Variants in PCDH7 observed in about 807,000 individuals in gnomAD.
PCDH7 encodes the protein protocadherin-7.
A neutral mutation model predicts 58.9 loss-of-function variants in PCDH7; 17 were observed. The observed-to-expected ratio is 0.29, with a 90% CI of 0.20 to 0.43. PCDH7 has a LOEUF of 0.43. Among genes scored for constraint, PCDH7 ranks in the 20% least tolerant of loss-of-function variants. The probability of loss-of-function intolerance (pLI) is 1.00; values close to 1 mark genes in which losing one functional copy is unlikely to be tolerated. For synonymous variants in PCDH7, 664 were observed against 616.4 expected, an observed-to-expected ratio of 1.08 and a Z score of -1.14; for missense variants, 1,274 against 1,441.0, an observed-to-expected ratio of 0.88 and a Z score of 1.88.
At chr4:31,036,610 G>A (rs1174522942) in intron 3 of PCDH7, among the ~76,000 whole-genome samples, 2 of 152,248 alleles carry the variant, frequency 1.3e-5, no homozygotes, top group East Asian at 3.9e-4. Context: ...ATTAGAGAGT[G>A]AACTATATAA....
intron 3 of PCDH7, among the ~76,000 whole-genome samples, chr4:31,114,160 A>G (rs1716703618): frequency 6.6e-6 from 1 of 151,984 alleles, no homozygotes; most frequent in Non-Finnish European, 1.5e-5. Flanking sequence ...TTAATCTATC[A>G]CCAAAATGTT....
chr4:30,989,545 A>G (rs998047860), intron 3 of PCDH7, among the ~76,000 whole-genome samples: 2 of 152,148 alleles, frequency 1.3e-5, no homozygotes, highest in South Asian at 4.1e-4. Flanking sequence ...CAGGTGCCGC[A>G]CCATTCCAAG....
chr4:30,968,386 A>ACACAC (rs1560541616), intron 3 of PCDH7, among the ~76,000 whole-genome samples: 27 of 58,106 alleles, frequency 4.6e-4, no homozygotes, highest in African/African-American at 3.2e-3. Flanking sequence ...CTATATATAT[A>ACACAC]TATATATATA....
rs1748294750 is a variant in PCDH7 at position 30,960,313 on chromosome 4, C to G, written c.*7+10098C>G. Among the ~76,000 whole-genome samples the G allele has an allele frequency of 2.0e-5, 3 of 152,144 alleles. No individual in the cohort carries two copies. The South Asian group carries it at 6.2e-4, about 32-fold the overall frequency. Reference sequence around the variant, plus strand: ...AATAGGATTATCTCTTCGAGACATGCTTTTGGGAATGAATTCGAAAATGAG... The same window carrying G: ...AATAGGATTATCTCTTCGAGACATGGTTTTGGGAATGAATTCGAAAATGAG... On this transcript the variant is annotated intron_variant, in intron 3 of 3. Transcript: ENST00000509759.
intron 1 of PCDH7, among the ~76,000 whole-genome samples, chr4:30,888,081 G>C (rs1738081233): frequency 6.6e-6 from 1 of 152,034 alleles, no homozygotes; most frequent in South Asian, 2.1e-4. Context: ...TCACCATGTT[G>C]GTCAGTCTGG....
chr4:31,113,126 G>T (rs1716531753), intron 3 of PCDH7, among the ~76,000 whole-genome samples: 2 of 152,008 alleles, frequency 1.3e-5, no homozygotes, highest in African/African-American at 4.8e-5. Flanking sequence ...TGTATTTAGA[G>T]ATTGTTTATT....
chr4:30,956,822 G>T (rs563321667), intron 3 of PCDH7, among the ~76,000 whole-genome samples: 1 of 152,174 alleles, frequency 6.6e-6, no homozygotes, highest in East Asian at 1.9e-4. Context: ...GGTGAGTTGA[G>T]GCTTTCTTTT....
intron 3 of PCDH7, among the ~76,000 whole-genome samples, chr4:30,974,380 AG>A (rs886168079): frequency 7.9e-5 from 12 of 151,524 alleles, no homozygotes; most frequent in African/African-American, 2.7e-4. Context: ...TAACCATGAA[AG>A]GTTTTTTTTT....
intron 3 of PCDH7, among the ~76,000 whole-genome samples, chr4:31,066,171 A>G (rs1411204749): frequency 6.6e-6 from 1 of 151,874 alleles, no homozygotes; most frequent in Non-Finnish European, 1.5e-5. Flanking sequence ...TTGGTAATGC[A>G]ACGTGAGACA....
rs1713657227 is a variant in PCDH7 at position 30,721,993 on chromosome 4, A to G, written c.571A>G (p.Ser191Gly). 7 of 1,294,146 alleles carry G rather than the reference A, an allele frequency of 5.4e-6. No individual in the cohort carries two copies. Among genetic ancestry groups the G allele is most frequent in the Non-Finnish European group, 6.8e-6 (7 of 1,023,276 alleles). 80.2% of individuals were successfully genotyped at this position (1,294,146 alleles called of 1,614,324 possible). A position where few individuals can be genotyped will look rare whatever the true frequency, so the allele number is the denominator to read the frequency against. The change falls in exon 1 of 2, where the codon AGC (serine) becomes GGC (glycine). Residue 191 changes from serine (S) to glycine (G), a missense_variant. By Grantham distance (56) the Ser-to-Gly change is moderately conservative. Around this residue, in one of 3 missense-constraint regions of PCDH7, gnomAD observed 331 missense variants for 303.2 expected, o/e 1.09. Coordinates refer to ENST00000361762, the Ensembl canonical transcript of PCDH7. This position sits in a 1 kb window ranked among gnomAD's most constrained non-coding sequence, Gnocchi z 6.7. ...GCTCCAGGAGCCCGGAGGCGGCGGC[A>G]GCGGCGGCGAGAGCCGGCGCGCCGG...
intron 1 of PCDH7, among the ~76,000 whole-genome samples, chr4:30,836,489 T>C (rs1478905471): frequency 1.3e-5 from 2 of 152,204 alleles, no homozygotes; most frequent in Admixed American, 6.5e-5. Context: ...GAGAAGGTAT[T>C]ATCATTTTAT....
chr4:30,830,303 A>C (rs936806946), intron 1 of PCDH7, among the ~76,000 whole-genome samples: 1 of 152,120 alleles, frequency 6.6e-6, no homozygotes, highest in African/African-American at 2.4e-5. Flanking sequence ...AGTAAAATAA[A>C]TTATTCACAT....
intron 3 of PCDH7, among the ~76,000 whole-genome samples, chr4:31,141,280 A>G (rs1242316525): frequency 1.3e-5 from 2 of 152,254 alleles, no homozygotes; most frequent in South Asian, 2.1e-4. Context: ...GGTTGCAAAT[A>G]TATTTTCAGA....
intron 1 of PCDH7, among the ~76,000 whole-genome samples, chr4:30,739,725 AT>A (rs1388391623): frequency 6.6e-6 from 1 of 152,234 alleles, no homozygotes; most frequent in Non-Finnish European, 1.5e-5. Flanking sequence ...ATACATATAC[AT>A]ACATGAAACA....
chr4:30,731,359 G>GTGTC (rs1553874728), exon 2 of PCDH7: 1 of 149,422 alleles, frequency 6.7e-6, no homozygotes, highest in African/African-American at 2.6e-5. Context: ...GTGTGTGTGT[G>GTGTC]TGTATATATA....
intron 1 of PCDH7, among the ~76,000 whole-genome samples, chr4:30,808,762 T>A (rs1726592192): frequency 6.6e-6 from 1 of 152,206 alleles, no homozygotes; most frequent in Non-Finnish European, 1.5e-5. Context: ...GAATTGAGTA[T>A]TTTACATACA....
chr4:30,985,289 G>A (rs551074744), intron 3 of PCDH7, among the ~76,000 whole-genome samples: 2 of 152,176 alleles, frequency 1.3e-5, no homozygotes, highest in East Asian at 3.9e-4. Flanking sequence ...AACTTCATTT[G>A]TCTTTGTTTT....
intron 1 of PCDH7, among the ~76,000 whole-genome samples, chr4:30,838,097 G>A (rs1730740357): frequency 6.6e-6 from 1 of 151,776 alleles, no homozygotes; most frequent in South Asian, 2.1e-4. Flanking sequence ...GAATGCCTGG[G>A]TGCTCCATAT....
At chr4:31,092,653 C>T (rs114087550) in intron 3 of PCDH7, among the ~76,000 whole-genome samples, 2,046 of 152,036 alleles carry the variant, frequency 0.013, 56 homozygotes, top group African/African-American at 0.046. Flanking sequence ...ATACAGGCAA[C>T]CTATAGATGC....
Sources: gnomAD v4.1 joint callset for allele counts (sites outside exome capture counted in the v4.1 genomes callset) on GRCh38, gnomAD v4.1.1 for gene constraint, gnomAD v4.1.1 regional missense constraint, Gnocchi (gnomAD v3.1) non-coding constraint, MANE v1.5 for transcripts, NCBI Gene and HGNC (gene_info 2026-07-23, HGNC 2026-07-21) for gene names.